B4GALT1: variants seen among roughly 807,000 people sequenced by gnomAD.
The protein encoded by B4GALT1 is N-acetyllactosamine synthase.
B4GALT1 carries 16 observed loss-of-function variants against 34.9 expected under a neutral mutation model. That is an observed-to-expected ratio of 0.46 (90% CI 0.31 to 0.70). B4GALT1 has a LOEUF of 0.70. Among genes scored for constraint, B4GALT1 ranks in the 30% least tolerant of loss-of-function variants. The pLI is 0.05. For synonymous variants in B4GALT1, 221 were observed against 218.1 expected (o/e 1.01, Z -0.12); for missense variants, 445 against 530.5 (o/e 0.84, Z 1.58).
At chr9:33,141,790 G>A (rs1478693318) in intron 1 of B4GALT1, among the ~76,000 whole-genome samples, 1 of 152,100 alleles carries the variant, frequency 6.6e-6, no homozygotes, top group East Asian at 1.9e-4. Context: ...TGTGTGGGTG[G>A]CGCGCAGCTA....
the B4GALT1 span, among the ~76,000 whole-genome samples, chr9:33,176,807 T>G: frequency 6.7e-6 from 1 of 149,670 alleles, no homozygotes; most frequent in East Asian, 2.0e-4. Context: ...TATACTCATA[T>G]AACAAACCTG....
chr9:33,135,891 G>C (rs1840261863), intron 1 of B4GALT1, among the ~76,000 whole-genome samples: 1 of 66,782 alleles, frequency 1.5e-5, no homozygotes, highest in African/African-American at 4.9e-5. Flanking sequence ...AACTGGGGAA[G>C]TGTGTGTGTG....
chr9:33,126,079 C>T (rs1840088511), intron 2 of B4GALT1, among the ~76,000 whole-genome samples: 1 of 152,174 alleles, frequency 6.6e-6, no homozygotes, highest in South Asian at 2.1e-4. Context: ...CACACCCCTC[C>T]CCACCATGCA....
chr9:33,140,755 T>C (rs1213549178), intron 1 of B4GALT1, among the ~76,000 whole-genome samples: 1 of 152,146 alleles, frequency 6.6e-6, no homozygotes, highest in Non-Finnish European at 1.5e-5. Flanking sequence ...ATGGGCCGCT[T>C]CTCTCTGTAC....
intron 3 of B4GALT1, among the ~76,000 whole-genome samples, chr9:33,116,804 A>G (rs918195576): frequency 6.9e-6 from 1 of 144,414 alleles, no homozygotes; most frequent in African/African-American, 2.5e-5. Flanking sequence ...ATCACAGGCA[A>G]GAGCCACCAT....
intron 2 of B4GALT1, among the ~76,000 whole-genome samples, chr9:33,131,919 G>C (rs1365784072): frequency 1.3e-5 from 2 of 152,030 alleles, no homozygotes; most frequent in Non-Finnish European, 2.9e-5. Context: ...TACTGGAAAG[G>C]TATGGCAGAG....
At chr9:33,132,441 G>A (rs1197097445) in intron 2 of B4GALT1, among the ~76,000 whole-genome samples, 3 of 152,200 alleles carry the variant, frequency 2.0e-5, no homozygotes, top group South Asian at 2.1e-4. Context: ...AAGGCTCTGC[G>A]GGAATGAGAC....
At chr9:33,131,093 G>A (rs530999042) in intron 2 of B4GALT1, among the ~76,000 whole-genome samples, 24 of 152,328 alleles carry the variant, frequency 1.6e-4, no homozygotes, top group Admixed American at 3.3e-4. Context: ...TGCCAGGACT[G>A]AACCCAGGCA....
chr9:33,110,865 C>T lies in B4GALT1; in HGVS notation c.*2589G>A, dbSNP rs894950366. ...CCGCCCCTGGCAGTCAGCAGAGACC[C>T]TGTCCAGGCTGAAGGCCAGCACAGC... On this transcript the variant is annotated 3_prime_UTR_variant, in exon 6 of 6. Coordinates refer to ENST00000379731, the MANE Select transcript of B4GALT1 (RefSeq NM_001497.4). 1.3e-5 allele frequency: 2 copies of T among 152,252 alleles called. No individual in the cohort carries two copies. The highest frequency in any genetic ancestry group is 4.8e-5 in the African/African-American group (2 of 41,440). 9.4% of individuals were successfully genotyped at this position (152,252 alleles called of 1,614,324 possible).
At chr9:33,131,657 AG>A (rs1840195147) in intron 2 of B4GALT1, among the ~76,000 whole-genome samples, 1 of 152,230 alleles carries the variant, frequency 6.6e-6, no homozygotes, top group South Asian at 2.1e-4. Context: ...TGTCTGGGCC[AG>A]GGATAAGCTG....
At chr9:33,122,288 T>G (rs1380478495) in intron 2 of B4GALT1, among the ~76,000 whole-genome samples, 1 of 151,884 alleles carries the variant, frequency 6.6e-6, no homozygotes, top group Admixed American at 6.6e-5. Flanking sequence ...GAGGCCAAGG[T>G]GGGCAGATCA....
At position 33,146,821 on chromosome 9, in the gene B4GALT1, G is replaced by A. The variant is rs141927885; in HGVS notation, c.413-11397C>T. Among the ~76,000 whole-genome samples the A allele has an allele frequency of 8.2e-3, 1,242 of 152,096 alleles. 14 individuals are homozygous for A. Among genetic ancestry groups the A allele is most frequent in the African/African-American group, 0.028 (1,162 of 41,480 alleles). On this transcript the variant is annotated intron_variant, in intron 1 of 5. Coordinates refer to ENST00000379731, the MANE Select transcript of B4GALT1 (RefSeq NM_001497.4). ...TGATTCTCTTGCCTCAGCCTACTGA[G>A]TACCTGGGAATATAGGTGCATGTCA...
the B4GALT1 span, among the ~76,000 whole-genome samples, chr9:33,184,288 A>AC: frequency 0.048 from 7,175 of 150,260 alleles, 246 homozygotes; most frequent in Non-Finnish European, 0.072. Flanking sequence ...ACACACACAC[A>AC]AAAACATAGG....
At chr9:33,118,655 C>T (rs944699430) in intron 3 of B4GALT1, among the ~76,000 whole-genome samples, 1 of 151,174 alleles carries the variant, frequency 6.6e-6, no homozygotes, top group African/African-American at 2.4e-5. Context: ...GGGTGACAAG[C>T]AAGACTCTGT....
the B4GALT1 span, among the ~76,000 whole-genome samples, chr9:33,177,004 T>C: frequency 6.6e-6 from 1 of 152,190 alleles, no homozygotes; most frequent in Non-Finnish European, 1.5e-5. Context: ...AGAATTAATA[T>C]TCCCTCTAGG....
chr9:33,151,790 ACT>A (rs1840520659), intron 1 of B4GALT1, among the ~76,000 whole-genome samples: 1 of 152,150 alleles, frequency 6.6e-6, no homozygotes, highest in Non-Finnish European at 1.5e-5. Flanking sequence ...TTGGAGGAAA[ACT>A]CTGGGACCTT....
chr9:33,109,583 G>A (rs116923669), downstream of B4GALT1, among the ~76,000 whole-genome samples: 6,070 of 152,254 alleles, frequency 0.04, 154 homozygotes, highest in Non-Finnish European at 0.061. Context: ...CGGGAGGATT[G>A]TGTGAGCCCA....
chr9:33,120,295 T>G, intron 3 of B4GALT1, 124 bp downstream of exon 3: 1 of 1,079,270 alleles, frequency 9.3e-7, no homozygotes, highest in Non-Finnish European at 1.4e-6. Flanking sequence ...AAAGCACCCA[T>G]TTCTCAGAGG....
intron 2 of B4GALT1, among the ~76,000 whole-genome samples, chr9:33,121,512 GC>G (rs1481203219): frequency 6.8e-6 from 1 of 146,672 alleles, no homozygotes; most frequent in Non-Finnish European, 1.5e-5. Flanking sequence ...ACAGGCATGT[GC>G]CACCATGCCC....
Sources: allele counts gnomAD v4.1 joint callset (sites outside exome capture counted in the v4.1 genomes callset), GRCh38; gene constraint gnomAD v4.1.1; transcripts MANE v1.5; gene names NCBI Gene and HGNC (gene_info 2026-07-23, HGNC 2026-07-21).